The following CNTNAP2 variants were observed in gnomAD, a reference collection of about 807,000 sequenced individuals.
The protein encoded by CNTNAP2 is contactin associated protein 2, also known as contactin-associated protein-like 2.
In CNTNAP2, 98 loss-of-function variants were observed where a neutral mutation model predicts 155.2. That is an observed-to-expected ratio of 0.63 (90% CI 0.54 to 0.75). The LOEUF (loss-of-function observed/expected upper bound fraction) is 0.75, where lower values mean the gene tolerates loss of function less well. CNTNAP2 is among the 30% of genes least tolerant of loss of function. The pLI is 0.00. For synonymous variants in CNTNAP2, 651 were observed against 631.2 expected (o/e 1.03, Z -0.47); for missense variants, 1,727 against 1,688.1 (o/e 1.02, Z -0.40).
chr7:147,209,191 G>A (rs560290493), intron 8 of CNTNAP2, among the ~76,000 whole-genome samples: 2 of 152,102 alleles, frequency 1.3e-5, no homozygotes, highest in East Asian at 1.9e-4. Flanking sequence ...TGAGTATTTG[G>A]CCACTTAAAC....
At chr7:146,278,293 A>T (rs551406191) in intron 1 of CNTNAP2, among the ~76,000 whole-genome samples, 16 of 152,292 alleles carry the variant, frequency 1.1e-4, no homozygotes, top group African/African-American at 2.6e-4. Flanking sequence ...GACAAAGTAA[A>T]CATTTGAAAT....
At chr7:146,538,384 C>T (rs1338645354) in intron 1 of CNTNAP2, among the ~76,000 whole-genome samples, 1 of 152,118 alleles carries the variant, frequency 6.6e-6, no homozygotes, top group East Asian at 1.9e-4. Context: ...AGCTGCTTGA[C>T]TTGTGCTCAT....
intron 13 of CNTNAP2, among the ~76,000 whole-genome samples, chr7:147,773,240 G>A (rs942090368): frequency 6.6e-6 from 1 of 152,138 alleles, no homozygotes; most frequent in Non-Finnish European, 1.5e-5. Context: ...AGTAATTTAT[G>A]CTGGTGCAGA....
At chr7:147,075,189 G>C (rs956923726) in intron 4 of CNTNAP2, among the ~76,000 whole-genome samples, 1 of 152,066 alleles carries the variant, frequency 6.6e-6, no homozygotes, top group African/African-American at 2.4e-5. Context: ...ATAAATAAAT[G>C]CTTCATTTAT....
chr7:147,689,818 A>T (rs575388363), intron 13 of CNTNAP2, among the ~76,000 whole-genome samples: 37 of 146,346 alleles, frequency 2.5e-4, no homozygotes, highest in Admixed American at 1.2e-3. Flanking sequence ...CAGAAAGAAT[A>T]AAAAAAAAAT....
chr7:146,268,784 T>C (rs184817521), intron 1 of CNTNAP2, among the ~76,000 whole-genome samples: 1 of 152,360 alleles, frequency 6.6e-6, no homozygotes, highest in African/African-American at 2.4e-5. Flanking sequence ...TTTACCATGT[T>C]ATCCAGTAGC....
intron 3 of CNTNAP2, among the ~76,000 whole-genome samples, chr7:146,976,175 A>G (rs1393101581): frequency 6.6e-6 from 1 of 152,204 alleles, no homozygotes. Context: ...GTAAAAACAC[A>G]AACTGTTTTC....
chr7:147,537,621 A>G (rs10952694), intron 11 of CNTNAP2, among the ~76,000 whole-genome samples: 28,647 of 152,172 alleles, frequency 0.19, 3,028 homozygotes, highest in East Asian at 0.37. Context: ...CTCCAATGCT[A>G]ACACAATATA....
intron 1 of CNTNAP2, among the ~76,000 whole-genome samples, chr7:146,373,263 A>G (rs1490352609): frequency 1.3e-5 from 2 of 152,192 alleles, no homozygotes; most frequent in South Asian, 2.1e-4. Flanking sequence ...CTTCAGTATC[A>G]CAGAGTCTCT....
intron 11 of CNTNAP2, among the ~76,000 whole-genome samples, chr7:147,536,203 C>T (rs1472572679): frequency 6.6e-6 from 1 of 152,208 alleles, no homozygotes; most frequent in African/African-American, 2.4e-5. Context: ...TCCTTTGAAA[C>T]TCCTCTCCAA....
intron 3 of CNTNAP2, among the ~76,000 whole-genome samples, chr7:146,910,440 C>A (rs1796247639): frequency 6.7e-6 from 1 of 149,036 alleles, no homozygotes. Context: ...CAGCATGGTA[C>A]TGGTACCAAA....
At chr7:147,974,428 C>T (rs1310871957) in intron 14 of CNTNAP2, among the ~76,000 whole-genome samples, 1 of 152,036 alleles carries the variant, frequency 6.6e-6, no homozygotes, top group Non-Finnish European at 1.5e-5. Flanking sequence ...AGGCCAGCAC[C>T]AGCCTGGCCA....
At chr7:146,739,885 T>A (rs1801682761) in intron 1 of CNTNAP2, among the ~76,000 whole-genome samples, 1 of 152,144 alleles carries the variant, frequency 6.6e-6, no homozygotes, top group South Asian at 2.1e-4. Context: ...CCTTTATTAT[T>A]AAATAATGAC....
intron 22 of CNTNAP2, among the ~76,000 whole-genome samples, chr7:148,388,637 T>C (rs1489592618): frequency 1.3e-5 from 2 of 152,064 alleles, no homozygotes; most frequent in Non-Finnish European, 2.9e-5. Flanking sequence ...GTTTTTCTGC[T>C]CTGTTTTTTC....
rs796472518 is a variant in CNTNAP2, at chr7:147,865,787, T to C, written c.2099-37778T>C. On this transcript the variant is annotated intron_variant, in intron 13 of 23. Transcript: ENST00000361727. ...TCGGTGGTGATATCCCCTTTATAAT[T>C]TTTTATTGCATCTATTTGATTCTTC... Among the ~76,000 whole-genome samples the C allele has an allele frequency of 3.2e-4, 49 of 152,276 alleles. 1 individual carries two copies. The highest frequency in any genetic ancestry group is 1.0e-3 in the African/African-American group (42 of 41,556).
chr7:146,932,340 T>G (rs1262709769), intron 3 of CNTNAP2, among the ~76,000 whole-genome samples: 4 of 151,400 alleles, frequency 2.6e-5, no homozygotes, highest in African/African-American at 9.7e-5. Flanking sequence ...AAAAACCACA[T>G]GATTATCTCA....
intron 1 of CNTNAP2, among the ~76,000 whole-genome samples, chr7:146,299,849 T>C (rs1800576826): frequency 6.6e-6 from 1 of 152,084 alleles, no homozygotes; most frequent in South Asian, 2.1e-4. Context: ...ATATTGAAGG[T>C]AGGTGTAAGA....
chr7:147,815,044 C>G (rs1241062402), intron 13 of CNTNAP2, among the ~76,000 whole-genome samples: 1 of 152,006 alleles, frequency 6.6e-6, no homozygotes, highest in African/African-American at 2.4e-5. Context: ...GAGAGTGGTT[C>G]CTCATATACA....
chr7:147,868,941 G>T (rs371933459), intron 13 of CNTNAP2, among the ~76,000 whole-genome samples: 1 of 152,212 alleles, frequency 6.6e-6, no homozygotes, highest in Non-Finnish European at 1.5e-5. Flanking sequence ...GTGAGGCAAC[G>T]CCTGCCCTAC....
Sources: gnomAD v4.1 joint callset for allele counts (sites outside exome capture counted in the v4.1 genomes callset) on GRCh38, gnomAD v4.1.1 for gene constraint, MANE v1.5 for transcripts, NCBI Gene and HGNC (gene_info 2026-07-23, HGNC 2026-07-21) for gene names.